CLDN10: variants seen among roughly 807,000 people sequenced by gnomAD.
The protein encoded by CLDN10 is claudin 10, also known as claudin-10.
In CLDN10, 15 loss-of-function variants were observed where a neutral mutation model predicts 22.9. The observed-to-expected ratio is 0.65, with a 90% CI of 0.44 to 1.01. The LOEUF is 1.01. Among genes scored for constraint, CLDN10 ranks in the 50% least tolerant of loss-of-function variants. The pLI, the probability that CLDN10 is intolerant of heterozygous loss-of-function variation, is 0.00. For synonymous variants in CLDN10, 114 were observed against 111.4 expected (o/e 1.02, Z -0.15); for missense variants, 247 against 287.8 (o/e 0.86, Z 1.03).
At chr13:95,567,109 CTT>C (rs768171815) in intron 3 of CLDN10, among the ~76,000 whole-genome samples, 5 of 151,952 alleles carry the variant, frequency 3.3e-5, no homozygotes, top group Admixed American at 6.6e-5. Flanking sequence ...TGTGGGCTCT[CTT>C]TTGGTTTCAT....
chr13:95,463,367 C>G (rs1343514869), intron 1 of CLDN10, among the ~76,000 whole-genome samples: 5 of 114,012 alleles, frequency 4.4e-5, no homozygotes, highest in African/African-American at 1.3e-4. Flanking sequence ...GAGTCTCCCT[C>G]CTTTACCCAG....
intron 1 of CLDN10, among the ~76,000 whole-genome samples, chr13:95,482,784 C>A (rs2042763752): frequency 6.6e-6 from 1 of 152,140 alleles, no homozygotes. Flanking sequence ...TGAGACCACC[C>A]TGGCCAACAT....
intron 1 of CLDN10, among the ~76,000 whole-genome samples, chr13:95,457,336 A>G (rs1313518728): frequency 6.6e-6 from 1 of 152,228 alleles, no homozygotes; most frequent in African/African-American, 2.4e-5. Flanking sequence ...CAGATCAAAC[A>G]GCCATCTTCT....
chr13:95,579,250 A>G lies in CLDN10; in HGVS notation c.*1236A>G, dbSNP rs1333247351. 1.3e-5 allele frequency: 2 copies of G among 152,196 alleles called. No individual in the cohort carries two copies. Among genetic ancestry groups the G allele is most frequent in the African/African-American group, 4.8e-5 (2 of 41,436 alleles). The allele number at this position is 152,196 out of a possible 1,614,324, so 9.4% of individuals were successfully genotyped here. On this transcript the variant is annotated 3_prime_UTR_variant, in exon 5 of 5. Coordinates refer to ENST00000299339, the MANE Select transcript of CLDN10 (RefSeq NM_006984.5). ...CCAGAACCTGTTTACGGCTAACTGG[A>G]TAACTGAGAGACTTGTCATTTCTAA...
At chr13:95,557,764 C>T (rs932271084) in intron 1 of CLDN10, among the ~76,000 whole-genome samples, 1 of 152,182 alleles carries the variant, frequency 6.6e-6, no homozygotes, top group African/African-American at 2.4e-5. Flanking sequence ...AGGGCTGGGA[C>T]GGGGCATCTC....
rs566506132 is a variant in CLDN10, at chr13:95,480,788, C to T, written c.214+46741C>T. Among the ~76,000 whole-genome samples, 4 of 152,332 alleles carry T rather than the reference C, an allele frequency of 2.6e-5. No homozygotes were observed. In the South Asian group the frequency reaches 8.3e-4, roughly 32 times the overall value. Reference sequence around the variant, plus strand: ...CGTTGAGAAATATTCAATAGACACGCTATTCACATTCAAGAGTACCAATGA... The same window carrying T: ...CGTTGAGAAATATTCAATAGACACGTTATTCACATTCAAGAGTACCAATGA... On this transcript the variant is annotated intron_variant, in intron 1 of 4. Transcript: ENST00000376873.
chr13:95,507,704 A>G (rs2043053025), intron 1 of CLDN10, among the ~76,000 whole-genome samples: 1 of 151,682 alleles, frequency 6.6e-6, no homozygotes, highest in Non-Finnish European at 1.5e-5. Flanking sequence ...GTTAACCACA[A>G]CCTCTGCCTC....
At chr13:95,561,857 C>A (rs1479828425) in intron 3 of CLDN10, among the ~76,000 whole-genome samples, 1 of 149,356 alleles carries the variant, frequency 6.7e-6, no homozygotes, top group East Asian at 2.0e-4. Context: ...CCTTGCGCTT[C>A]TGCACTCAAG....
At chr13:95,577,491 T>C (rs2043951633) in intron 4 of CLDN10, among the ~76,000 whole-genome samples, 153 bp downstream of exon 4, 1 of 152,218 alleles carries the variant, frequency 6.6e-6, no homozygotes, top group African/African-American at 2.4e-5. Context: ...TTTTTTAAAG[T>C]TTTACCATTA....
At chr13:95,516,281 T>C (rs573678781) in intron 1 of CLDN10, among the ~76,000 whole-genome samples, 2 of 152,294 alleles carry the variant, frequency 1.3e-5, no homozygotes, top group African/African-American at 2.4e-5. Context: ...CATTACATCC[T>C]ACACCTTCAG....
intron 1 of CLDN10, among the ~76,000 whole-genome samples, chr13:95,531,687 G>T (rs1025275744): frequency 4.0e-5 from 6 of 150,414 alleles, no homozygotes; most frequent in Non-Finnish European, 7.4e-5. Flanking sequence ...CCACCACCAC[G>T]CCTGGCTAAT....
At chr13:95,490,922 T>G (rs1216831519) in intron 1 of CLDN10, among the ~76,000 whole-genome samples, 1 of 152,238 alleles carries the variant, frequency 6.6e-6, no homozygotes, top group Non-Finnish European at 1.5e-5. Flanking sequence ...GTAATTGTTT[T>G]ATAAATTTTG....
intron 1 of CLDN10, among the ~76,000 whole-genome samples, chr13:95,442,142 C>T (rs1388061369): frequency 1.3e-5 from 2 of 152,076 alleles, no homozygotes; most frequent in East Asian, 3.9e-4. Context: ...CAGAGTGAGA[C>T]CCTGTCTCAA....
At chr13:95,484,865 C>CAAAAAAAA (rs746231195) in intron 1 of CLDN10, among the ~76,000 whole-genome samples, 2 of 93,640 alleles carry the variant, frequency 2.1e-5, no homozygotes, top group Non-Finnish European at 4.2e-5. Flanking sequence ...GACCCTGTCT[C>CAAAAAAAA]AAAAAAAAAA....
chr13:95,449,569 G>A (rs987435670), intron 1 of CLDN10, among the ~76,000 whole-genome samples: 1 of 151,424 alleles, frequency 6.6e-6, no homozygotes, highest in Non-Finnish European at 1.5e-5. Flanking sequence ...TTCTTTTTTT[G>A]TTGTTTTATT....
intron 3 of CLDN10, chr13:95,560,700 A>G (rs540660973): frequency 2.0e-6 from 1 of 500,990 alleles, no homozygotes; most frequent in African/African-American, 1.9e-5. Flanking sequence ...CATCAAATTT[A>G]GAACTATAAA....
intron 1 of CLDN10, among the ~76,000 whole-genome samples, chr13:95,477,956 C>A (rs192091764): frequency 6.6e-6 from 1 of 152,246 alleles, no homozygotes; most frequent in Admixed American, 6.5e-5. Context: ...AGATCTTTTG[C>A]CTAAAACAGT....
chr13:95,447,299 C>A (rs563704768), intron 1 of CLDN10, among the ~76,000 whole-genome samples: 2 of 152,322 alleles, frequency 1.3e-5, no homozygotes, highest in East Asian at 3.9e-4. Flanking sequence ...CTCCTACAAA[C>A]GTCCCCACTA....
chr13:95,508,678 G>A (rs1414887510), intron 1 of CLDN10, among the ~76,000 whole-genome samples: 1 of 152,226 alleles, frequency 6.6e-6, no homozygotes, highest in Non-Finnish European at 1.5e-5. Context: ...GGAAGAGGGA[G>A]CGATATCTGG....
Sources: allele counts gnomAD v4.1 joint callset (sites outside exome capture counted in the v4.1 genomes callset), GRCh38; gene constraint gnomAD v4.1.1; transcripts MANE v1.5; gene names NCBI Gene and HGNC (gene_info 2026-07-23, HGNC 2026-07-21).